The following PYROXD1 variants were observed in gnomAD, a reference collection of about 807,000 sequenced individuals.
The protein encoded by PYROXD1 is tRNA ligase complex-associated NAD(P)H dehydrogenase PYROXD1.
In PYROXD1, 42 loss-of-function variants were observed where a neutral mutation model predicts 62.0. The ratio of observed to expected loss-of-function variants is 0.68; its 90% CI spans 0.53 to 0.88. PYROXD1 has a LOEUF of 0.88. Ranked by LOEUF, PYROXD1 falls within the 40% of genes least tolerant of loss-of-function variation. The probability of loss-of-function intolerance (pLI) is 0.00; values close to 1 mark genes in which losing one functional copy is unlikely to be tolerated. For synonymous variants in PYROXD1, 170 were observed against 206.4 expected, an observed-to-expected ratio of 0.82 and a Z score of 1.51; for missense variants, 493 against 604.8, an observed-to-expected ratio of 0.82 and a Z score of 1.94.
intron 1 of PYROXD1, 21 bp from the exon 2 acceptor site, chr12:21,440,347 T>C: frequency 1.4e-6 from 2 of 1,459,238 alleles, no homozygotes; most frequent in Non-Finnish European, 1.9e-6. Flanking sequence ...CTAATTTTTT[T>C]TCTCTCTTTT....
In PYROXD1 at chr12:21,437,659, G is replaced by A; in HGVS notation, c.-72G>A. 1 of 1,476,064 alleles carries A rather than the reference G, an allele frequency of 6.8e-7. No individual in the cohort carries two copies. Among genetic ancestry groups the A allele is most frequent in the South Asian group, 1.2e-5 (1 of 83,268 alleles). 91.4% of individuals were successfully genotyped at this position (1,476,064 alleles called of 1,614,324 possible). ...CACCGGAAGTGACCGCCTCGCGGCT[G>A]CTTCCTCTCCTGGAGTCCAGAGTCC... On this transcript the variant is annotated 5_prime_UTR_variant, in exon 1 of 12. Coordinates refer to ENST00000240651, the MANE Select transcript of PYROXD1 (RefSeq NM_024854.5).
chr12:21,449,526 T>A (rs776321008), intron 3 of PYROXD1, 37 bp from the exon 4 acceptor site: 1 of 1,585,348 alleles, frequency 6.3e-7, no homozygotes, highest in African/African-American at 1.4e-5. Flanking sequence ...GTTGATTATG[T>A]GTCTCCCTTT....
At chr12:21,461,244 G>C (rs186682069) in intron 8 of PYROXD1, 90 bp downstream of exon 8, 2 of 790,838 alleles carry the variant, frequency 2.5e-6, no homozygotes, top group Non-Finnish European at 3.7e-6. Context: ...AAATAACTTC[G>C]TATTTCCATA....
intron 10 of PYROXD1, among the ~76,000 whole-genome samples, chr12:21,466,669 G>A (rs1258525266): frequency 1.3e-5 from 2 of 152,142 alleles, no homozygotes; most frequent in African/African-American, 2.4e-5. Context: ...TCTCCTGCCT[G>A]ATTGCCCTGG....
In PYROXD1 at chr12:21,469,953, C is replaced by G; in HGVS notation, c.*1199C>G. ...TATGAACTTATTCTCAAATATTTTA[C>G]ATTTAAAGGGTTTTACATAAAAATT... On this transcript the variant is annotated 3_prime_UTR_variant, in exon 12 of 12. Coordinates refer to ENST00000240651, the MANE Select transcript of PYROXD1 (RefSeq NM_024854.5). The G allele has an allele frequency of 2.5e-6, 1 of 400,282 alleles. No homozygotes were observed. The highest frequency in any genetic ancestry group is 4.3e-6 in the Non-Finnish European group (1 of 234,552). 24.8% of individuals were successfully genotyped at this position (400,282 alleles called of 1,614,324 possible).
At position 21,471,108 on chromosome 12, in the gene PYROXD1, A is replaced by G; in HGVS notation, c.*2354A>G. On this transcript the variant is annotated 3_prime_UTR_variant, in exon 12 of 12. Transcript: ENST00000240651. ...AAAACTGTAGTCTTCTCTGCAGAAA[A>G]TAAAGGCCAACAATAAGAAAGCTTT... 1 of 1,558,764 alleles carries G rather than the reference A, an allele frequency of 6.4e-7. No homozygotes were observed. Among genetic ancestry groups the G allele is most frequent in the Non-Finnish European group, 8.6e-7 (1 of 1,162,420 alleles).
chr12:21,446,437 GAA>G (rs1459143175), intron 3 of PYROXD1, among the ~76,000 whole-genome samples: 7 of 151,676 alleles, frequency 4.6e-5, no homozygotes, highest in East Asian at 2.0e-4. Context: ...AAAAAAGAGA[GAA>G]GTTGAGTTTG....
In PYROXD1 at chr12:21,468,942, G is replaced by C. The variant is rs1942857155; in HGVS notation, c.*188G>C. The C allele has an allele frequency of 7.1e-6, 4 of 559,854 alleles. No individual in the cohort carries two copies. The South Asian group carries it at 8.8e-5, about 12-fold the overall frequency. The allele number at this position is 559,854 out of a possible 1,614,324, so 34.7% of individuals were successfully genotyped here. ...GAAATCAGTTCAAAGTTTATTTATA[G>C]ATATATCTTTCCAATACAACACTGA... On this transcript the variant is annotated 3_prime_UTR_variant, in exon 12 of 12. Transcript: ENST00000240651.
In PYROXD1 at chr12:21,456,097, T is replaced by A; in HGVS notation, c.750+2T>A. ...TTGAATCTTAAAGGAACAAAAGAGGTATCTTTTCATATACTAATTGGTCAT... is the reference window on the plus strand; with the variant it reads ...TTGAATCTTAAAGGAACAAAAGAGGAATCTTTTCATATACTAATTGGTCAT... On this transcript the variant is annotated splice_donor_variant, in intron 7 of 11. Transcript: ENST00000240651. LOFTEE classifies it high-confidence loss of function. 1 of 1,509,534 alleles carries A rather than the reference T, an allele frequency of 6.6e-7. No individual in the cohort carries two copies. Among genetic ancestry groups the A allele is most frequent in the Non-Finnish European group, 9.2e-7 (1 of 1,090,498 alleles). The allele number at this position is 1,509,534 out of a possible 1,614,324, so 93.5% of individuals were successfully genotyped here.
At chr12:21,440,587 A>G in intron 2 of PYROXD1, 139 bp downstream of exon 2, 1 of 512,666 alleles carries the variant, frequency 2.0e-6, no homozygotes, top group Non-Finnish European at 3.5e-6. Flanking sequence ...TGATGTTTTG[A>G]TACATGTATA....
chr12:21,467,560 T>C lies in PYROXD1; in HGVS notation c.1196T>C (p.Ile399Thr), dbSNP rs1457809627. Residue 399 changes from isoleucine (I) to threonine (T), a missense_variant, in exon 11 of 12, where the codon ATT becomes ACT. This residue lies in a region of PYROXD1 where 329 missense variants were observed against 446.6 expected (regional missense o/e 0.74). Transcript: ENST00000240651. Reference sequence around the variant, plus strand: ...GCTGCAGCGAGTTCAGGAGACTCTATTGACATGGATTTCAGCTTTGAACTG... The same window carrying C: ...GCTGCAGCGAGTTCAGGAGACTCTACTGACATGGATTTCAGCTTTGAACTG... ...CMAAASSGDS[I>T]DMDFSFELFA... 4 of 1,612,538 alleles carry C rather than the reference T, an allele frequency of 2.5e-6. No homozygotes were observed. Among genetic ancestry groups the C allele is most frequent in the South Asian group, 1.1e-5 (1 of 90,928 alleles).
Position 21,437,757 on chromosome 12 carries a change from G to T in PYROXD1, c.27G>T (p.Thr9=). The T allele has an allele frequency of 6.2e-7, 1 of 1,613,250 alleles. No individual in the cohort carries two copies. Among genetic ancestry groups the T allele is most frequent in the East Asian group, 2.2e-5 (1 of 44,872 alleles). ...TGGAGGCAGCGCGCCCTCCCCCGAC[G>T]GCAGGGAAGTTCGTGGTGGTCGGCG... MEAARPPP[T]AGKFVVVGGG... The change falls in exon 1 of 12, where the codon ACG becomes ACT. Residue 9 remains threonine (T), a synonymous_variant. Coordinates refer to ENST00000240651, the MANE Select transcript of PYROXD1 (RefSeq NM_024854.5).
At chr12:21,439,588 C>T (rs1174183852) in intron 1 of PYROXD1, among the ~76,000 whole-genome samples, 1 of 151,842 alleles carries the variant, frequency 6.6e-6, no homozygotes, top group Non-Finnish European at 1.5e-5. Flanking sequence ...GGCAACATGG[C>T]AAGATCCCAT....
At chr12:21,456,737 T>C in intron 7 of PYROXD1, 2 of 331,812 alleles carry the variant, frequency 6.0e-6, no homozygotes, top group South Asian at 4.9e-5. Flanking sequence ...GAAAGACTTC[T>C]CTGTAGCGTG....
chr12:21,466,150 G>A (rs1285255805), intron 10 of PYROXD1, among the ~76,000 whole-genome samples: 31 of 149,726 alleles, frequency 2.1e-4, no homozygotes, highest in African/African-American at 7.0e-4. Context: ...GGCGATGCGG[G>A]CTCTTTTTTG....
At chr12:21,441,134 T>G (rs1453355882) in intron 2 of PYROXD1, 1 of 152,316 alleles carries the variant, frequency 6.6e-6, no homozygotes, top group Non-Finnish European at 1.5e-5. Flanking sequence ...GCCATTCTCC[T>G]GCCTCAGCCT....
At chr12:21,455,528 C>T (rs1469908002) in intron 6 of PYROXD1, among the ~76,000 whole-genome samples, 2 of 150,996 alleles carry the variant, frequency 1.3e-5, no homozygotes, top group African/African-American at 4.8e-5. Context: ...CCATCTGCAT[C>T]TTTGCAAACA....
chr12:21,448,198 C>G, intron 3 of PYROXD1: 1 of 608,546 alleles, frequency 1.6e-6, no homozygotes, highest in Non-Finnish European at 3.1e-6. Flanking sequence ...TCACAGCCAC[C>G]ATAGGTTTTC....
intron 5 of PYROXD1, among the ~76,000 whole-genome samples, chr12:21,454,279 A>T (rs187270941): frequency 3.3e-5 from 5 of 152,156 alleles, no homozygotes; most frequent in Non-Finnish European, 5.9e-5. Flanking sequence ...ACAGTATTTT[A>T]TTAGTATCGC....
Sources: gnomAD v4.1 joint callset for allele counts (sites outside exome capture counted in the v4.1 genomes callset) on GRCh38, gnomAD v4.1.1 for gene constraint, gnomAD v4.1.1 regional missense constraint, MANE v1.5 for transcripts, NCBI Gene and HGNC (gene_info 2026-07-23, HGNC 2026-07-21) for gene names.